The following GRID2 variants were observed in gnomAD, a reference collection of about 807,000 sequenced individuals.
GRID2 encodes the protein glutamate ionotropic receptor delta type subunit 2.
GRID2 carries 33 observed loss-of-function variants against 114.8 expected under a neutral mutation model. The ratio of observed to expected loss-of-function variants is 0.29; its 90% confidence interval spans 0.22 to 0.38. The LOEUF (loss-of-function observed/expected upper bound fraction) is 0.38, where lower values mean the gene tolerates loss of function less well. GRID2 is among the 10% of genes least tolerant of loss of function. GRID2 has a pLI of 1.00. For synonymous variants in GRID2, 505 were observed against 449.9 expected (o/e 1.12, Z -1.55); for missense variants, 1,184 against 1,257.7 (o/e 0.94, Z 0.89).
intron 13 of GRID2, among the ~76,000 whole-genome samples, chr4:93,578,585 G>GTTTTTTTTTTTTT (rs1736642083): frequency 1.7e-5 from 2 of 115,256 alleles, no homozygotes; most frequent in African/African-American, 7.6e-5. Context: ...CTTGTTTTTT[G>GTTTTTTTTTTTTT]TATTTTTTTT....
intron 3 of GRID2, among the ~76,000 whole-genome samples, chr4:93,086,643 G>T (rs924213376): frequency 6.6e-6 from 1 of 152,118 alleles, no homozygotes; most frequent in Non-Finnish European, 1.5e-5. Context: ...CCTTATTTTT[G>T]TTGCTTAATT....
rs780084253 is a variant in GRID2, at chr4:93,455,917, A to G, written c.1801A>G (p.Thr601Ala). 6.2e-7 allele frequency: 1 copy of G among 1,611,726 alleles called. No homozygotes were observed. Among genetic ancestry groups the G allele is most frequent in the Non-Finnish European group, 8.5e-7 (1 of 1,177,866 alleles). Residue 601 changes from threonine (T) to alanine (A), a missense_variant, in exon 11 of 16, where the codon ACG becomes GCG. Physicochemically the swap from Thr to Ala is moderately conservative, Grantham distance 58. This residue lies in a region of GRID2 where 717 missense variants were observed against 796.9 expected (regional missense o/e 0.90). Transcript: ENST00000282020. The part of the protein sequence containing the change: ...NPPRLQMGSM[T>A]STTLYNSMWF... ...CCCACGATTACAAATGGGATCAATG[A>G]CGTCTACTACTCTCTACAACTCCAT...
chr4:92,996,506 T>C (rs1339864091), intron 2 of GRID2, among the ~76,000 whole-genome samples: 1 of 152,082 alleles, frequency 6.6e-6, no homozygotes, highest in Non-Finnish European at 1.5e-5. Flanking sequence ...GTCTGTAACA[T>C]GGGGAAACAG....
chr4:93,775,580 GT>G (rs905308968), downstream of GRID2, among the ~76,000 whole-genome samples: 8 of 152,140 alleles, frequency 5.3e-5, no homozygotes, highest in African/African-American at 1.9e-4. Flanking sequence ...TCTACACTTG[GT>G]TTTTTGGCCC....
intron 1 of GRID2, among the ~76,000 whole-genome samples, chr4:92,466,913 T>C (rs1010127891): frequency 6.6e-5 from 10 of 151,796 alleles, no homozygotes; most frequent in African/African-American, 2.4e-4. Context: ...CCTTATTTTA[T>C]ATAATGGGAA....
At chr4:93,431,908 G>A (rs1377463437) in intron 10 of GRID2, among the ~76,000 whole-genome samples, 1 of 152,162 alleles carries the variant, frequency 6.6e-6, no homozygotes, top group Non-Finnish European at 1.5e-5. Flanking sequence ...ATGAGGTAAA[G>A]ATGTTACTTT....
chr4:93,063,409 A>G (rs1367508718), intron 2 of GRID2, among the ~76,000 whole-genome samples: 1 of 151,922 alleles, frequency 6.6e-6, no homozygotes, highest in Non-Finnish European at 1.5e-5. Flanking sequence ...AATAAACTTT[A>G]GGAGTATTTA....
intron 8 of GRID2, among the ~76,000 whole-genome samples, chr4:93,290,529 T>G (rs1753627453): frequency 6.6e-6 from 1 of 152,186 alleles, no homozygotes; most frequent in Admixed American, 6.5e-5. Flanking sequence ...TACTTTTGGC[T>G]TTGTTCTTAT....
intron 2 of GRID2, among the ~76,000 whole-genome samples, chr4:92,786,603 A>T (rs1560591308): frequency 6.6e-6 from 1 of 151,912 alleles, no homozygotes. Context: ...CAATGATAAT[A>T]GGGCATCAAA....
At chr4:93,404,582 T>C (rs1766224698) in intron 9 of GRID2, among the ~76,000 whole-genome samples, 1 of 152,114 alleles carries the variant, frequency 6.6e-6, no homozygotes, top group Admixed American at 6.6e-5. Context: ...AAAATTCAAA[T>C]AACTAGTACA....
intron 2 of GRID2, among the ~76,000 whole-genome samples, chr4:92,704,621 A>G (rs1403544669): frequency 6.6e-6 from 1 of 151,966 alleles, no homozygotes; most frequent in Non-Finnish European, 1.5e-5. Flanking sequence ...GATGATGGAG[A>G]CCTTTCTTTA....
intron 2 of GRID2, among the ~76,000 whole-genome samples, chr4:92,769,653 C>T (rs147009065): frequency 3.3e-5 from 5 of 152,310 alleles, no homozygotes; most frequent in African/African-American, 4.8e-5. Context: ...GACTTCTGTG[C>T]ACCTGCAGGC....
intron 2 of GRID2, among the ~76,000 whole-genome samples, chr4:92,782,981 T>G (rs1739156577): frequency 1.3e-5 from 2 of 152,124 alleles, no homozygotes; most frequent in African/African-American, 2.4e-5. Context: ...TAAGGTACTT[T>G]GAAAGCAAGT....
At chr4:93,454,347 C>G (rs1722989312) in intron 10 of GRID2, among the ~76,000 whole-genome samples, 2 of 151,938 alleles carry the variant, frequency 1.3e-5, no homozygotes, top group African/African-American at 4.8e-5. Context: ...TGAGCACAGC[C>G]TTCGGAATAA....
At chr4:92,968,148 A>G (rs1401118803) in intron 2 of GRID2, among the ~76,000 whole-genome samples, 2 of 151,940 alleles carry the variant, frequency 1.3e-5, no homozygotes, top group African/African-American at 4.8e-5. Flanking sequence ...TAATAAAACT[A>G]TCACCTATGT....
intron 7 of GRID2, among the ~76,000 whole-genome samples, chr4:93,226,551 G>A (rs1745509620): frequency 6.6e-6 from 1 of 152,198 alleles, no homozygotes; most frequent in Non-Finnish European, 1.5e-5. Context: ...CAAGGCCTCA[G>A]GCAACCCTGC....
At chr4:93,179,974 C>T (rs538690935) in intron 4 of GRID2, among the ~76,000 whole-genome samples, 19 of 152,190 alleles carry the variant, frequency 1.2e-4, no homozygotes, top group Admixed American at 1.0e-3. Flanking sequence ...TTCTAACTCT[C>T]GGAATACGTG....
intron 8 of GRID2, among the ~76,000 whole-genome samples, chr4:93,364,619 G>T (rs72666987): frequency 0.016 from 2,437 of 152,094 alleles, 30 homozygotes; most frequent in Non-Finnish European, 0.027. Context: ...CTACCACCCA[G>T]TCAAATGCCA....
Position 93,485,429 on chromosome 4 carries a change from G to T in GRID2, c.1859-5210G>T, listed in dbSNP as rs896696852. ...TTTCTTTTGTGTTAATGCATTTTAT[G>T]CTGTGTTTAATAAATCCTTTTCTAC... On this transcript the variant is annotated intron_variant, in intron 11 of 15. Coordinates refer to ENST00000282020, the MANE Select transcript of GRID2 (RefSeq NM_001510.4). 3.3e-5 allele frequency among the ~76,000 whole-genome samples: 5 copies of T among 151,484 alleles called. No homozygotes were observed. The East Asian group carries it at 9.7e-4, about 30-fold the overall frequency.
Sources: allele counts gnomAD v4.1 joint callset (sites outside exome capture counted in the v4.1 genomes callset), GRCh38; gene constraint gnomAD v4.1.1; regional missense constraint gnomAD v4.1.1; transcripts MANE v1.5; gene names NCBI Gene and HGNC (gene_info 2026-07-23, HGNC 2026-07-21).